ASAP3: variants seen among roughly 807,000 people sequenced by gnomAD.
The protein encoded by ASAP3 is arf-GAP with SH3 domain, ANK repeat and PH domain-containing protein 3.
ASAP3 carries 85 observed loss-of-function variants against 118.2 expected under a neutral mutation model. That is an observed-to-expected ratio of 0.72 (90% CI 0.60 to 0.86). The LOEUF (loss-of-function observed/expected upper bound fraction) is 0.86. Ranked by LOEUF, ASAP3 falls within the 40% of genes least tolerant of loss-of-function variation. The pLI is 0.00. For missense variants in ASAP3, 1,026 were observed against 1,175.0 expected (o/e 0.87, Z 1.85); for synonymous variants, 432 against 477.4 (o/e 0.90, Z 1.24).
intron 11 of ASAP3, 67 bp downstream of exon 11, chr1:23,439,094 T>C: frequency 6.3e-7 from 1 of 1,576,132 alleles, no homozygotes; most frequent in Non-Finnish European, 8.7e-7. Context: ...CTTGACATTA[T>C]TTGCTCAGAA....
chr1:23,447,842 A>T (rs1264195533), intron 5 of ASAP3, among the ~76,000 whole-genome samples: 1 of 152,194 alleles, frequency 6.6e-6, no homozygotes, highest in Non-Finnish European at 1.5e-5. Context: ...AGCTTTGACA[A>T]AATGTACACA....
intron 1 of ASAP3, among the ~76,000 whole-genome samples, chr1:23,461,575 T>G (rs1641586275): frequency 6.6e-6 from 1 of 151,696 alleles, no homozygotes; most frequent in South Asian, 2.1e-4. Flanking sequence ...GTGGGAGGAC[T>G]GTTTGACCCC....
Position 23,436,021 on chromosome 1 carries a change from G to A in ASAP3, c.1579C>T (p.Arg527Cys), listed in dbSNP as rs371915285. Residue 527 changes from arginine (R) to cysteine (C), a missense_variant, in exon 17 of 25, where the codon CGC (arginine) becomes TGC (cysteine). Arg to Cys is a radical substitution (Grantham distance 180). Transcript: ENST00000336689. This position sits in a 1 kb window ranked among gnomAD's most constrained non-coding sequence, Gnocchi z 4.2. ...KPSAESDMGTRRDYIMAKYVE... is the reference protein window; with the variant it reads ...KPSAESDMGTCRDYIMAKYVE... ...TACTTGGCCATAATGTAGTCCCTGCGGGTGCCCCTACCAAAAACAACCACA... is the reference window on the plus strand; with the variant it reads ...TACTTGGCCATAATGTAGTCCCTGCAGGTGCCCCTACCAAAAACAACCACA... 9.3e-6 allele frequency: 15 copies of A among 1,614,030 alleles called. No homozygotes were observed. The highest frequency in any genetic ancestry group is 1.2e-5 in the Non-Finnish European group (14 of 1,179,898).
chr1:23,471,555 G>A (rs2148658070), intron 1 of ASAP3, among the ~76,000 whole-genome samples: 1 of 152,296 alleles, frequency 6.6e-6, no homozygotes, highest in South Asian at 2.1e-4. Context: ...AAGGCCCAGT[G>A]GCAATATAGA....
intron 5 of ASAP3, among the ~76,000 whole-genome samples, chr1:23,444,844 G>A (rs55964453): frequency 0.069 from 10,474 of 152,086 alleles, 435 homozygotes; most frequent in Middle Eastern, 0.18. Flanking sequence ...TTTGTTATGG[G>A]GGGCTGCCTG....
In ASAP3 at chr1:23,438,157, C is replaced by T. The variant is rs1200710518; in HGVS notation, c.1102+590G>A. Reference sequence around the variant, plus strand: ...ATTCTACATGTCCTTCAAGGCTAAACTCAAATACTGTCTCCTCCAGGAGCC... The same window carrying T: ...ATTCTACATGTCCTTCAAGGCTAAATTCAAATACTGTCTCCTCCAGGAGCC... On this transcript the variant is annotated intron_variant, in intron 12 of 24. Coordinates refer to ENST00000336689, the MANE Select transcript of ASAP3 (RefSeq NM_017707.4). The surrounding 1 kb of genome is among the most constrained non-coding windows in gnomAD (Gnocchi z 4.9). Among the ~76,000 whole-genome samples the T allele has an allele frequency of 1.3e-5, 2 of 152,170 alleles. No homozygotes were observed. The highest frequency in any genetic ancestry group is 4.8e-5 in the African/African-American group (2 of 41,440).
chr1:23,441,507 C>G lies in ASAP3; in HGVS notation c.748-34G>C, dbSNP rs559429911. 12 of 1,612,252 alleles carry G rather than the reference C, an allele frequency of 7.4e-6. No individual in the cohort carries two copies. In the South Asian group the frequency reaches 1.3e-4, roughly 18 times the overall value. On this transcript the variant is annotated intron_variant, in intron 8 of 24. Transcript: ENST00000336689. ...CAGAGGATGGGATCCCATCACCAGC[C>G]AACAAATATGTCAGGCACAGAGCCC...
At position 23,451,625 on chromosome 1, in the gene ASAP3, C is replaced by T. The variant is rs1045703641; in HGVS notation, c.424-97G>A. 2.8e-4 allele frequency: 376 copies of T among 1,360,364 alleles called. 2 individuals carry two copies. Among genetic ancestry groups the T allele is most frequent in the Non-Finnish European group, 2.7e-5 (26 of 956,002 alleles). 84.3% of individuals were successfully genotyped at this position (1,360,364 alleles called of 1,614,324 possible). A position where few individuals can be genotyped will look rare whatever the true frequency, so the allele number is the denominator to read the frequency against. ...CTGTAGGAGGACCTGCTAGTGTGCTCCCCTGAGCTGCTCAGAGCCCTTCTC... is the reference window on the plus strand; with the variant it reads ...CTGTAGGAGGACCTGCTAGTGTGCTTCCCTGAGCTGCTCAGAGCCCTTCTC... On this transcript the variant is annotated intron_variant, in intron 4 of 24. Coordinates refer to ENST00000336689, the MANE Select transcript of ASAP3 (RefSeq NM_017707.4).
At chr1:23,465,463 A>G (rs1449842645) in intron 1 of ASAP3, among the ~76,000 whole-genome samples, 1 of 152,206 alleles carries the variant, frequency 6.6e-6, no homozygotes, top group East Asian at 1.9e-4. Context: ...TCACACAGTG[A>G]TGAACAGTGG....
Position 23,441,084 on chromosome 1 carries a change from A to T in ASAP3, c.944+18T>A, listed in dbSNP as rs1409346160. ...CAGTGTGACATTGGGCAAATTATGT[A>T]AGCTCTGAATCACTTACCCGTCACT... On this transcript the variant is annotated intron_variant, in intron 10 of 24. Coordinates refer to ENST00000336689, the MANE Select transcript of ASAP3 (RefSeq NM_017707.4). The T allele has an allele frequency of 1.2e-6, 2 of 1,611,192 alleles. No individual in the cohort carries two copies. Among genetic ancestry groups the T allele is most frequent in the Non-Finnish European group, 1.7e-6 (2 of 1,177,478 alleles).
intron 1 of ASAP3, among the ~76,000 whole-genome samples, chr1:23,460,218 A>G (rs1641526257): frequency 1.3e-5 from 2 of 152,158 alleles, no homozygotes; most frequent in Admixed American, 1.3e-4. Flanking sequence ...AAATACTGGC[A>G]AAGGGAGGCC....
intron 7 of ASAP3, 135 bp from the exon 8 acceptor site, chr1:23,441,865 A>C (rs371326977): frequency 1.1e-6 from 1 of 882,018 alleles, no homozygotes; most frequent in Non-Finnish European, 1.8e-6. Context: ...AAGAACAGAC[A>C]CTCCATAGAC....
In ASAP3 at chr1:23,435,874, G is replaced by A. The variant is rs779832556; in HGVS notation, c.1726C>T (p.Pro576Ser). 1 of 1,614,256 alleles carries A rather than the reference G, an allele frequency of 6.2e-7. No individual in the cohort carries two copies. Among genetic ancestry groups the A allele is most frequent in the Admixed American group, 1.7e-5 (1 of 60,034 alleles). Residue 576 changes from proline (P) to serine (S), a missense_variant, in exon 17 of 25, where the codon CCG (proline) becomes TCG (serine). Coordinates refer to ENST00000336689, the MANE Select transcript of ASAP3 (RefSeq NM_017707.4). ...AFANGQDFGQ[P>S]LPGPDAQAPE... ...ACCTGTGCATCAGGCCCTGGCAGCG[G>A]CTGTCCAAAGTCCTGCCCATTGGCA...
At chr1:23,449,842 A>G (rs1271311429) in intron 5 of ASAP3, among the ~76,000 whole-genome samples, 1 of 152,228 alleles carries the variant, frequency 6.6e-6, no homozygotes. Context: ...GGAAAAGCAG[A>G]CCTGCTTTGG....
chr1:23,477,962 G>C (rs1438140304), intron 1 of ASAP3, among the ~76,000 whole-genome samples: 1 of 152,200 alleles, frequency 6.6e-6, no homozygotes, highest in Non-Finnish European at 1.5e-5. Flanking sequence ...CTCTAACTGA[G>C]CGATGCATCT....
chr1:23,481,273 C>T (rs55895998), intron 1 of ASAP3, among the ~76,000 whole-genome samples: 1 of 152,172 alleles, frequency 6.6e-6, no homozygotes, highest in Non-Finnish European at 1.5e-5. Flanking sequence ...AGTCCCAGGA[C>T]AGGGTCCCTA....
intron 7 of ASAP3, 102 bp downstream of exon 7, chr1:23,442,084 A>G: frequency 8.0e-7 from 1 of 1,256,020 alleles, no homozygotes; most frequent in Non-Finnish European, 1.1e-6. Flanking sequence ...TGCCAAAAAG[A>G]TGCAGGCCTC....
Position 23,429,555 on chromosome 1 carries a change from G to A in ASAP3, c.*301C>T. On this transcript the variant is annotated 3_prime_UTR_variant, in exon 25 of 25. Transcript: ENST00000336689. ...GGGGGAAATAGAGTCTCGATCTGATGAGGGACTGAGAGTTCTGCAGCTGAA... is the reference window on the plus strand; with the variant it reads ...GGGGGAAATAGAGTCTCGATCTGATAAGGGACTGAGAGTTCTGCAGCTGAA... 1 of 269,934 alleles carries A rather than the reference G, an allele frequency of 3.7e-6. No individual in the cohort carries two copies. Among genetic ancestry groups the A allele is most frequent in the African/African-American group, 2.2e-5 (1 of 45,296 alleles). 16.7% of individuals were successfully genotyped at this position (269,934 alleles called of 1,614,324 possible).
rs1278063166 is a variant in ASAP3, at chr1:23,433,240, G to A, written c.2160C>T (p.His720=). 6.2e-7 allele frequency: 1 copy of A among 1,611,508 alleles called. No individual in the cohort carries two copies. Among genetic ancestry groups the A allele is most frequent in the Non-Finnish European group, 8.5e-7 (1 of 1,178,570 alleles). ...RCLLKLPAQA[H]WASGRLDISN... ...TGATGTCCAGCCTCCCACTGGCCCAGTGAGCCTGGGCCGGGAGCTTCAGCA... is the reference window on the plus strand; with the variant it reads ...TGATGTCCAGCCTCCCACTGGCCCAATGAGCCTGGGCCGGGAGCTTCAGCA... Residue 720 remains histidine, a synonymous_variant, in exon 22 of 25, where the codon CAC becomes CAT. Transcript: ENST00000336689.
Sources: allele counts gnomAD v4.1 joint callset (sites outside exome capture counted in the v4.1 genomes callset), GRCh38; gene constraint gnomAD v4.1.1; non-coding constraint Gnocchi (gnomAD v3.1); transcripts MANE v1.5; gene names NCBI Gene and HGNC (gene_info 2026-07-23, HGNC 2026-07-21).